The following OPTN variants were observed in gnomAD, a reference collection of about 807,000 sequenced individuals.
The protein encoded by OPTN is optineurin.
In OPTN, 54 loss-of-function variants were observed where a neutral mutation model predicts 70.4. That is an observed-to-expected ratio of 0.77 (90% CI 0.62 to 0.96). OPTN has a LOEUF of 0.96. Among genes scored for constraint, OPTN ranks in the 40% least tolerant of loss-of-function variants. The probability of loss-of-function intolerance (pLI) is 0.00; values close to 1 mark genes in which losing one functional copy is unlikely to be tolerated. For synonymous variants in OPTN, 256 were observed against 248.5 expected, an observed-to-expected ratio of 1.03 and a Z score of -0.28; for missense variants, 624 against 673.2, an observed-to-expected ratio of 0.93 and a Z score of 0.81.
chr10:13,112,491 G>A lies in OPTN; in HGVS notation c.408G>A (p.Ala136=), dbSNP rs144561412. 3.8e-5 allele frequency: 62 copies of A among 1,613,946 alleles called. No homozygotes were observed. The highest frequency in any genetic ancestry group is 1.6e-4 in the Middle Eastern group (1 of 6,062). The change falls in exon 5 of 15, where the codon GCG becomes GCA. Residue 136 remains alanine (A), a synonymous_variant. Transcript: ENST00000378747. ...ACTCCAGGCTTCCCAGGGCCGAAGC[G>A]GAGCAGGAAAAGGACCAGCTCAGGA... ...TDDSRLPRAE[A]EQEKDQLRTQ...
At chr10:13,119,105 A>C in intron 7 of OPTN, 65 bp downstream of exon 7, 1 of 1,416,398 alleles carries the variant, frequency 7.1e-7, no homozygotes, top group Non-Finnish European at 9.9e-7. Flanking sequence ...TATAATTAAG[A>C]TACCATACAG....
At chr10:13,115,708 G>C (rs929513255) in intron 5 of OPTN, among the ~76,000 whole-genome samples, 15 of 148,056 alleles carry the variant, frequency 1.0e-4, no homozygotes, top group African/African-American at 3.7e-4. Flanking sequence ...TTCCCTGGGA[G>C]CTTATTGGAA....
At chr10:13,130,672 C>G (rs1833577056) in intron 12 of OPTN, among the ~76,000 whole-genome samples, 1 of 151,730 alleles carries the variant, frequency 6.6e-6, no homozygotes, top group South Asian at 2.1e-4. Context: ...TTTTAAGTAA[C>G]TATAGTTTTG....
At chr10:13,107,033 G>C (rs769886601) in intron 1 of OPTN, among the ~76,000 whole-genome samples, 1 of 152,154 alleles carries the variant, frequency 6.6e-6, no homozygotes, top group Non-Finnish European at 1.5e-5. Flanking sequence ...CAGTTGTATA[G>C]TGTACATTGG....
chr10:13,132,538 C>G, intron 13 of OPTN, among the ~76,000 whole-genome samples: 1 of 151,894 alleles, frequency 6.6e-6, no homozygotes. Flanking sequence ...TTTTTTGAGG[C>G]AGGGTCTCAC....
At chr10:13,132,696 G>A (rs1426384952) in intron 13 of OPTN, among the ~76,000 whole-genome samples, 2 of 151,912 alleles carry the variant, frequency 1.3e-5, no homozygotes, top group African/African-American at 2.4e-5. Context: ...ATAATGTTAC[G>A]TGTCCCAATG....
rs577899480 is a variant in OPTN at position 13,138,015 on chromosome 10, A to G, written c.*1149A>G. The G allele has an allele frequency of 2.0e-5, 4 of 203,512 alleles. No homozygotes were observed. The Middle Eastern group carries it at 5.0e-3, about 252-fold the overall frequency. 12.6% of individuals were successfully genotyped at this position (203,512 alleles called of 1,614,324 possible). A position where few individuals can be genotyped will look rare whatever the true frequency, so the allele number is the denominator to read the frequency against. On this transcript the variant is annotated 3_prime_UTR_variant, in exon 15 of 15. Coordinates refer to ENST00000378747, the MANE Select transcript of OPTN (RefSeq NM_001008212.2). ...GTTTATATATGATTAATATCATCAT[A>G]TATATTTTCTGTATTAAGCTCATTT...
intron 4 of OPTN, 75 bp from the exon 5 acceptor site, chr10:13,112,378 C>T (rs537015707): frequency 2.5e-5 from 36 of 1,413,530 alleles, no homozygotes; most frequent in East Asian, 1.4e-4. Context: ...CAGAGCTCTG[C>T]GATTAAGGGC....
Position 13,125,522 on chromosome 10 carries a change from T to G in OPTN, c.1103T>G (p.Met368Arg). The change falls in exon 10 of 15, where the codon ATG becomes AGG. Residue 368 changes from methionine (M) to arginine (R), a missense_variant. Coordinates refer to ENST00000378747, the MANE Select transcript of OPTN (RefSeq NM_001008212.2). The stretch of plus-strand genomic sequence containing the variant: ...AAGTTAGAGCTACAAGTGGAAAGCA[T>G]GCTATCAGAAATCAAAATGGAACAG... ...NKKLELQVES[M>R]LSEIKMEQAK... 6.2e-7 allele frequency: 1 copy of G among 1,614,086 alleles called. No homozygotes were observed. Among genetic ancestry groups the G allele is most frequent in the South Asian group, 1.1e-5 (1 of 91,070 alleles).
Position 13,133,429 on chromosome 10 carries a change from G to A in OPTN, c.1533-73G>A, listed in dbSNP as rs540552721. ...GAGTCTTTTTTCCCCTACTTCTGTG[G>A]ACTGTCTGCTCAGTGTTGTCATGTT... On this transcript the variant is annotated intron_variant, in intron 13 of 14. Coordinates refer to ENST00000378747, the MANE Select transcript of OPTN (RefSeq NM_001008212.2). The A allele has an allele frequency of 4.6e-6, 6 of 1,292,404 alleles. No individual in the cohort carries two copies. The African/African-American group carries it at 8.7e-5, about 19-fold the overall frequency. The allele number at this position is 1,292,404 out of a possible 1,614,324, so 80.1% of individuals were successfully genotyped here.
At chr10:13,116,565 G>C (rs1414313639) in intron 6 of OPTN, 6 of 581,410 alleles carry the variant, frequency 1.0e-5, no homozygotes, top group Non-Finnish European at 1.9e-5. Context: ...TGACTGCTCT[G>C]TTCTAGTGGT....
intron 1 of OPTN, among the ~76,000 whole-genome samples, chr10:13,106,616 G>C (rs1012052655): frequency 6.6e-6 from 1 of 152,200 alleles, no homozygotes; most frequent in Non-Finnish European, 1.5e-5. Flanking sequence ...GGGTGTGGTA[G>C]GTAGCTCTGT....
intron 1 of OPTN, among the ~76,000 whole-genome samples, chr10:13,103,050 C>T (rs1054085691): frequency 6.6e-6 from 1 of 152,096 alleles, no homozygotes; most frequent in Non-Finnish European, 1.5e-5. Context: ...AAGCCTTACT[C>T]CCAGGTTCCT....
chr10:13,136,767 G>A lies in OPTN; in HGVS notation c.1635G>A (p.Arg545=). ...VQRGAEDRDW[R]QQRNIPIHSC... The stretch of plus-strand genomic sequence containing the variant: ...CAGGAGCTGAGGACAGGGACTGGCG[G>A]CAACAGCGGAATATTCCGATTCATT... Residue 545 remains arginine, a synonymous_variant, in exon 15 of 15, where the codon CGG becomes CGA. Coordinates refer to ENST00000378747, the MANE Select transcript of OPTN (RefSeq NM_001008212.2). The A allele has an allele frequency of 6.2e-7, 1 of 1,614,098 alleles. No individual in the cohort carries two copies. The highest frequency in any genetic ancestry group is 8.5e-7 in the Non-Finnish European group (1 of 1,179,964).
intron 1 of OPTN, among the ~76,000 whole-genome samples, chr10:13,106,034 G>A (rs1419307951): frequency 2.0e-5 from 3 of 151,864 alleles, no homozygotes; most frequent in Admixed American, 2.0e-4. Flanking sequence ...AGAAATTTGT[G>A]CATATAATAA....
intron 12 of OPTN, among the ~76,000 whole-genome samples, chr10:13,129,572 C>T (rs1051104735): frequency 1.3e-5 from 2 of 151,954 alleles, no homozygotes; most frequent in Admixed American, 6.5e-5. Flanking sequence ...ATGGTGGTCT[C>T]GAACAGTTGA....
Position 13,118,880 on chromosome 10 carries a change from C to T in OPTN, c.627-8C>T, listed in dbSNP as rs1833278709. 1 of 1,613,400 alleles carries T rather than the reference C, an allele frequency of 6.2e-7. No homozygotes were observed. Among genetic ancestry groups the T allele is most frequent in the African/African-American group, 1.3e-5 (1 of 74,894 alleles). ...TGATGAAAACCTTTTAACCTTTATA[C>T]TGAACAGGGCATTGTCTAAATATAG... is the stretch of plus-strand genomic sequence containing the variant. On this transcript the variant is annotated splice_region_variant and splice_polypyrimidine_tract_variant and intron_variant, in intron 6 of 14. Transcript: ENST00000378747.
chr10:13,115,443 T>A (rs1406591504), intron 5 of OPTN, among the ~76,000 whole-genome samples: 1 of 105,268 alleles, frequency 9.5e-6, no homozygotes, highest in Admixed American at 1.2e-4. Context: ...AGAATATATA[T>A]AATATATTCT....
chr10:13,103,742 G>GCACACACACGCA (rs941511900), intron 1 of OPTN, among the ~76,000 whole-genome samples: 3 of 64,796 alleles, frequency 4.6e-5, no homozygotes, highest in African/African-American at 6.4e-5. Context: ...ACACACACAT[G>GCACACACACGCA]CACACACACA....
Sources: allele counts gnomAD v4.1 joint callset (sites outside exome capture counted in the v4.1 genomes callset), GRCh38; gene constraint gnomAD v4.1.1; transcripts MANE v1.5; gene names NCBI Gene and HGNC (gene_info 2026-07-23, HGNC 2026-07-21).